AKR1C8: variants seen among roughly 807,000 people sequenced by gnomAD.
AKR1C8 encodes aldo-keto reductase family 1 member C-like protein 1.
At chr10:5,166,847 AG>A in the AKR1C8 span, among the ~76,000 whole-genome samples, 7 of 152,190 alleles carry the variant, frequency 4.6e-5, no homozygotes, top group African/African-American at 1.7e-4. Flanking sequence ...CAGAGTGAAC[AG>A]GCAACCTAGA....
the AKR1C8 span, among the ~76,000 whole-genome samples, chr10:5,131,569 CAT>C: frequency 1.3e-5 from 2 of 151,726 alleles, no homozygotes; most frequent in South Asian, 2.1e-4. Context: ...AGCCAACAAA[CAT>C]ATGAAAAAAG....
the AKR1C8 span, among the ~76,000 whole-genome samples, chr10:5,137,007 T>C: frequency 6.6e-6 from 1 of 152,176 alleles, no homozygotes; most frequent in Non-Finnish European, 1.5e-5. Context: ...AAATTTCAAC[T>C]GTATGTAAAA....
chr10:5,132,588 C>T, the AKR1C8 span: 1 of 1,535,836 alleles, frequency 6.5e-7, no homozygotes, highest in African/African-American at 1.4e-5. Context: ...GCATGCTTAT[C>T]ATAGGCACAG....
chr10:5,138,922 C>A, the AKR1C8 span, among the ~76,000 whole-genome samples: 1 of 152,158 alleles, frequency 6.6e-6, no homozygotes, highest in Non-Finnish European at 1.5e-5. Context: ...AACATCTCAG[C>A]CCAAAATCTC....
At chr10:5,117,050 T>G in the AKR1C8 span, among the ~76,000 whole-genome samples, 7 of 152,144 alleles carry the variant, frequency 4.6e-5, no homozygotes, top group Non-Finnish European at 8.8e-5. Flanking sequence ...GTTTTTACAT[T>G]TTTACATTGA....
chr10:5,130,718 T>G, the AKR1C8 span, among the ~76,000 whole-genome samples: 3 of 151,890 alleles, frequency 2.0e-5, no homozygotes, highest in Admixed American at 6.6e-5. Flanking sequence ...ACATATTTAA[T>G]CAAAGAGATG....
At chr10:5,144,280 T>C in the AKR1C8 span, among the ~76,000 whole-genome samples, 2 of 152,150 alleles carry the variant, frequency 1.3e-5, no homozygotes, top group Non-Finnish European at 2.9e-5. Flanking sequence ...ACTGTAGCCT[T>C]GTAGTATAGT....
At chr10:5,155,826 C>G in the AKR1C8 span, 1 of 419,356 alleles carries the variant, frequency 2.4e-6, no homozygotes. Flanking sequence ...AATACAAGGA[C>G]TTTCCAGGAG....
the AKR1C8 span, among the ~76,000 whole-genome samples, chr10:5,133,246 C>T: frequency 2.0e-5 from 3 of 152,020 alleles, no homozygotes; most frequent in South Asian, 4.2e-4. Context: ...CACAGATGCG[C>T]GCTATTATGC....
At chr10:5,144,415 G>T in the AKR1C8 span, among the ~76,000 whole-genome samples, 134 of 152,122 alleles carry the variant, frequency 8.8e-4, no homozygotes, top group Non-Finnish European at 1.5e-3. Flanking sequence ...GTGAAGAAAG[G>T]CATTGGTAGC....
the AKR1C8 span, among the ~76,000 whole-genome samples, chr10:5,174,001 A>G: frequency 6.6e-6 from 1 of 151,830 alleles, no homozygotes; most frequent in Non-Finnish European, 1.5e-5. Context: ...ATACACATAC[A>G]CAACAAATTC....
chr10:5,157,027 G>A, the AKR1C8 span, among the ~76,000 whole-genome samples: 1 of 152,152 alleles, frequency 6.6e-6, no homozygotes, highest in Admixed American at 6.5e-5. Flanking sequence ...TTCTTAGTTT[G>A]GTTGGTCTGT....
At chr10:5,123,780 T>C in the AKR1C8 span, 11 of 1,613,426 alleles carry the variant, frequency 6.8e-6, 1 homozygote, top group South Asian at 1.1e-4. Flanking sequence ...CTTGCAGAAA[T>C]CCAGCAGTTT....
the AKR1C8 span, among the ~76,000 whole-genome samples, chr10:5,179,201 C>A: frequency 0.54 from 82,048 of 151,662 alleles, 23,080 homozygotes; most frequent in Non-Finnish European, 0.6. Flanking sequence ...TCAGCATTTG[C>A]TTGTCTGTAA....
chr10:5,157,095 G>C, the AKR1C8 span, among the ~76,000 whole-genome samples: 2 of 152,254 alleles, frequency 1.3e-5, no homozygotes, highest in South Asian at 4.1e-4. Flanking sequence ...GGTAATAAAA[G>C]ATAATCCAGA....
At chr10:5,146,675 C>T in the AKR1C8 span, among the ~76,000 whole-genome samples, 1 of 152,138 alleles carries the variant, frequency 6.6e-6, no homozygotes, top group Non-Finnish European at 1.5e-5. Flanking sequence ...ATAACCCACT[C>T]TATGGGTTGT....
chr10:5,162,920 C>G, the AKR1C8 span: 1 of 534,710 alleles, frequency 1.9e-6, no homozygotes, highest in East Asian at 5.4e-5. Context: ...AATGGCCTGT[C>G]CAACCTCCTC....
At chr10:5,179,925 T>G in the AKR1C8 span, among the ~76,000 whole-genome samples, 1 of 152,208 alleles carries the variant, frequency 6.6e-6, no homozygotes, top group Non-Finnish European at 1.5e-5. Context: ...TTGAATTTCC[T>G]CCTGTAGCTC....
chr10:5,150,611 T>A, the AKR1C8 span, among the ~76,000 whole-genome samples: 1 of 152,150 alleles, frequency 6.6e-6, no homozygotes, highest in Non-Finnish European at 1.5e-5. Context: ...TAAAAAAGAC[T>A]AAATGTGTAA....
Sources: gnomAD v4.1 joint callset for allele counts (sites outside exome capture counted in the v4.1 genomes callset) on GRCh38, gnomAD v4.1.1 for gene constraint, MANE v1.5 for transcripts, NCBI Gene and HGNC (gene_info 2026-07-23, HGNC 2026-07-21) for gene names.